CLASP1: variants seen among roughly 807,000 people sequenced by gnomAD.
The protein encoded by CLASP1 is cytoplasmic linker associated protein 1, also known as CLIP-associating protein 1.
Under a neutral mutation model 192.3 loss-of-function variants are expected in CLASP1, and 38 were observed. The ratio of observed to expected loss-of-function variants is 0.20; its 90% CI spans 0.15 to 0.26. The LOEUF (loss-of-function observed/expected upper bound fraction) is 0.26. CLASP1 is among the 10% of genes least tolerant of loss of function. The pLI is 1.00. For synonymous variants in CLASP1, 691 were observed against 712.8 expected (o/e 0.97, Z 0.49); for missense variants, 1,433 against 1,932.5 (o/e 0.74, Z 4.85).
Position 121,377,171 on chromosome 2 carries a change from T to C in CLASP1, c.3642+328A>G, listed in dbSNP as rs575693097. Among the ~76,000 whole-genome samples, 8 of 152,322 alleles carry C rather than the reference T, an allele frequency of 5.3e-5. No homozygotes were observed. In the South Asian group the frequency reaches 1.7e-3, roughly 32 times the overall value. ...CTAAAGTACTGTAGGGTAAATACAGTTAACAACAGTTTATTGTGTATTTCC... is the reference window on the plus strand; with the variant it reads ...CTAAAGTACTGTAGGGTAAATACAGCTAACAACAGTTTATTGTGTATTTCC... On this transcript the variant is annotated intron_variant, in intron 34 of 39. Transcript: ENST00000263710.
intron 2 of CLASP1, among the ~76,000 whole-genome samples, chr2:121,559,845 T>C (rs750691193): frequency 2.0e-5 from 3 of 152,192 alleles, no homozygotes; most frequent in Non-Finnish European, 4.4e-5. Flanking sequence ...TTATAACTCA[T>C]GATATATAAA....
intron 2 of CLASP1, among the ~76,000 whole-genome samples, chr2:121,604,799 CA>C: frequency 6.6e-6 from 1 of 152,204 alleles, no homozygotes; most frequent in East Asian, 1.9e-4. Context: ...TTTTTAAGTC[CA>C]AACCAATCTC....
intron 2 of CLASP1, among the ~76,000 whole-genome samples, chr2:121,567,929 T>C (rs1227890939): frequency 6.6e-6 from 1 of 152,214 alleles, no homozygotes; most frequent in African/African-American, 2.4e-5. Flanking sequence ...TCTATCTTCC[T>C]AGATGGGGTT....
chr2:121,520,621 T>G (rs771913359), intron 6 of CLASP1, among the ~76,000 whole-genome samples: 9 of 152,214 alleles, frequency 5.9e-5, no homozygotes, highest in Non-Finnish European at 1.2e-4. Flanking sequence ...GGGCCAGCAG[T>G]CAGCATGGGG....
chr2:121,430,245 G>A, intron 19 of CLASP1, 68 bp from the exon 20 acceptor site: 1 of 1,249,302 alleles, frequency 8.0e-7, no homozygotes, highest in Non-Finnish European at 1.1e-6. Flanking sequence ...AAGAAAAGAA[G>A]CCATGCCCCA....
intron 19 of CLASP1, among the ~76,000 whole-genome samples, chr2:121,444,299 G>A (rs959137638): frequency 3.3e-5 from 5 of 152,084 alleles, no homozygotes; most frequent in Admixed American, 1.3e-4. Context: ...TACAGAACAT[G>A]GCACATGGAA....
chr2:121,516,592 TG>T (rs1208803930), intron 6 of CLASP1, among the ~76,000 whole-genome samples: 1 of 152,240 alleles, frequency 6.6e-6, no homozygotes, highest in Non-Finnish European at 1.5e-5. Flanking sequence ...TTTTCTAACC[TG>T]GGGAAATTTG....
At chr2:121,458,323 A>G (rs982506916) in intron 13 of CLASP1, among the ~76,000 whole-genome samples, 1 of 152,246 alleles carries the variant, frequency 6.6e-6, no homozygotes, top group Non-Finnish European at 1.5e-5. Context: ...GTGAACTATT[A>G]GATTTTGTTA....
At chr2:121,344,756 G>A (rs1337683672) in intron 39 of CLASP1, among the ~76,000 whole-genome samples, 1 of 152,172 alleles carries the variant, frequency 6.6e-6, no homozygotes, top group African/African-American at 2.4e-5. Context: ...CTTAGCACCA[G>A]GTTCTGCCTG....
intron 33 of CLASP1, 42 bp downstream of exon 34, chr2:121,382,166 A>G (rs776937246): frequency 6.8e-7 from 1 of 1,477,990 alleles, no homozygotes; most frequent in Non-Finnish European, 9.3e-7. Context: ...AAATGCAATA[A>G]TATTGTGACA....
At chr2:121,587,578 C>A (rs956399081) in intron 2 of CLASP1, among the ~76,000 whole-genome samples, 4 of 151,810 alleles carry the variant, frequency 2.6e-5, no homozygotes, top group Admixed American at 1.3e-4. Flanking sequence ...GCCTGTAATC[C>A]CAACACTTTG....
rs774528100 is a variant in CLASP1 at position 121,407,795 on chromosome 2, TCTA to T, written c.2425-83_2425-81del. 3 of 1,502,192 alleles carry T rather than the reference TCTA, an allele frequency of 2.0e-6. No homozygotes were observed. In the East Asian group the frequency reaches 6.8e-5, roughly 34 times the overall value. 93.1% of individuals were successfully genotyped at this position (1,502,192 alleles called of 1,614,324 possible). ...TGACTGTGAGTCACACCAAACAAAA[TCTA>T]CAACAAAGAGTTAAGTGTAAAAAGA... is the stretch of plus-strand genomic sequence containing the variant. On this transcript the variant is annotated intron_variant, in intron 24 of 39. Coordinates refer to ENST00000263710, the Ensembl canonical transcript of CLASP1.
chr2:121,439,263 C>A (rs1443348997), intron 19 of CLASP1, among the ~76,000 whole-genome samples: 2 of 151,496 alleles, frequency 1.3e-5, no homozygotes, highest in Non-Finnish European at 2.9e-5. Flanking sequence ...TTTGTTGATC[C>A]TTTCAAAAAA....
At chr2:121,520,379 C>T (rs1464399520) in intron 6 of CLASP1, among the ~76,000 whole-genome samples, 1 of 152,186 alleles carries the variant, frequency 6.6e-6, no homozygotes, top group African/African-American at 2.4e-5. Context: ...AGCACAGCCC[C>T]ACAGCCAGTG....
At chr2:121,567,724 A>C (rs2059628301) in intron 2 of CLASP1, among the ~76,000 whole-genome samples, 1 of 152,230 alleles carries the variant, frequency 6.6e-6, no homozygotes, top group Non-Finnish European at 1.5e-5. Context: ...CGGGCAAATA[A>C]ATCTCTACCC....
intron 8 of CLASP1, among the ~76,000 whole-genome samples, chr2:121,491,499 T>G (rs1261042711): frequency 6.6e-6 from 1 of 152,242 alleles, no homozygotes; most frequent in Admixed American, 6.5e-5. Flanking sequence ...CCATAATTAC[T>G]GGGTCTTTCA....
At chr2:121,400,926 C>T (rs1011145022) in intron 28 of CLASP1, among the ~76,000 whole-genome samples, 9 of 152,186 alleles carry the variant, frequency 5.9e-5, no homozygotes, top group African/African-American at 2.2e-4. Flanking sequence ...ATATTGAGGA[C>T]CCACAACTGC....
chr2:121,561,008 G>A (rs2059033765), intron 2 of CLASP1, among the ~76,000 whole-genome samples: 1 of 152,244 alleles, frequency 6.6e-6, no homozygotes. Flanking sequence ...CTGGGTTCAA[G>A]TGATTTTCCT....
chr2:121,531,860 C>T (rs1028814105), intron 2 of CLASP1, among the ~76,000 whole-genome samples: 1 of 142,092 alleles, frequency 7.0e-6, no homozygotes, highest in East Asian at 2.0e-4. Flanking sequence ...GAGCAAGACT[C>T]GGTCTCAAAA....
Sources: allele counts gnomAD v4.1 joint callset (sites outside exome capture counted in the v4.1 genomes callset), GRCh38; gene constraint gnomAD v4.1.1; transcripts MANE v1.5; gene names NCBI Gene and HGNC (gene_info 2026-07-23, HGNC 2026-07-21).